EVL: variants seen among roughly 807,000 people sequenced by gnomAD.
EVL encodes the protein ena/VASP-like protein.
Under a neutral mutation model 59.6 loss-of-function variants are expected in EVL, and 21 were observed. The observed-to-expected ratio is 0.35, with a 90% CI of 0.25 to 0.51. EVL has a LOEUF of 0.51. Among genes scored for constraint, EVL ranks in the 20% least tolerant of loss-of-function variants. The probability of loss-of-function intolerance (pLI) is 0.97; values close to 1 mark genes in which losing one functional copy is unlikely to be tolerated. For missense variants in EVL, 462 were observed against 546.6 expected (o/e 0.85, Z 1.54); for synonymous variants, 198 against 203.5 (o/e 0.97, Z 0.23).
chr14:100,032,302 G>A (rs1302941815), intron 1 of EVL, among the ~76,000 whole-genome samples: 1 of 152,226 alleles, frequency 6.6e-6, no homozygotes, highest in African/African-American at 2.4e-5. Context: ...TCCTAAGGAA[G>A]AGAAGGTTGA....
At chr14:100,073,320 C>CTT (rs368484673) in intron 1 of EVL, among the ~76,000 whole-genome samples, 68 of 137,326 alleles carry the variant, frequency 5.0e-4, no homozygotes, top group Admixed American at 7.4e-4. Flanking sequence ...TTTCCTTTTT[C>CTT]TTTTTTTTTT....
upstream of EVL, among the ~76,000 whole-genome samples, chr14:100,061,490 G>A (rs1455535689): frequency 6.0e-5 from 8 of 133,250 alleles, no homozygotes; most frequent in African/African-American, 2.4e-4. Flanking sequence ...AAGATACCAG[G>A]AAATTCAAGT....
At chr14:99,999,704 G>A (rs1262024129) in intron 1 of EVL, among the ~76,000 whole-genome samples, 3 of 152,146 alleles carry the variant, frequency 2.0e-5, no homozygotes, top group African/African-American at 7.2e-5. Context: ...TTCCTTTGAG[G>A]CGCCATGGAT....
At chr14:99,984,802 G>T (rs535854910) in intron 1 of EVL, among the ~76,000 whole-genome samples, 1 of 152,050 alleles carries the variant, frequency 6.6e-6, no homozygotes, top group Non-Finnish European at 1.5e-5. Flanking sequence ...TTTTAGTAGA[G>T]ACTGAGTTGC....
Position 100,114,173 on chromosome 14 carries a change from G to GC in EVL, c.359-9366_359-9365insC, listed in dbSNP as rs1434739604. 4.6e-5 allele frequency among the ~76,000 whole-genome samples: 7 copies of GC among 151,822 alleles called. No individual in the cohort carries two copies. Among genetic ancestry groups the GC allele is most frequent in the Non-Finnish European group, 7.4e-5 (5 of 67,930 alleles). On this transcript the variant is annotated intron_variant, in intron 3 of 13. Coordinates refer to ENST00000392920, the MANE Select transcript of EVL (RefSeq NM_016337.3). The surrounding 1 kb of genome is among the most constrained non-coding windows in gnomAD (Gnocchi z 5.0). The stretch of plus-strand genomic sequence containing the variant: ...AAGGAGCGAAGCGAAGGAGGGCCGG[G>GC]GGGGAATCAAATGAGCCTTACTTCT...
At chr14:100,006,009 TCC>T (rs58699616) in intron 1 of EVL, among the ~76,000 whole-genome samples, 5,768 of 114,580 alleles carry the variant, frequency 0.05, 160 homozygotes, top group African/African-American at 0.077. Flanking sequence ...GCTGGCCATT[TCC>T]CCCCCCCCCC....
At chr14:100,071,430 G>A (rs912326099) in intron 1 of EVL, among the ~76,000 whole-genome samples, 1 of 152,116 alleles carries the variant, frequency 6.6e-6, no homozygotes, top group South Asian at 2.1e-4. Flanking sequence ...TTCAGCTCTT[G>A]TCTCATGAAT....
chr14:100,124,976 C>T (rs2140370710), intron 4 of EVL, among the ~76,000 whole-genome samples: 1 of 151,936 alleles, frequency 6.6e-6, no homozygotes, highest in Admixed American at 6.5e-5. Context: ...ACACACACAC[C>T]TGCTGCAAGA....
chr14:100,040,299 T>G (rs1279079331), intron 1 of EVL, among the ~76,000 whole-genome samples: 1 of 152,250 alleles, frequency 6.6e-6, no homozygotes, highest in Non-Finnish European at 1.5e-5. Context: ...GAACTCTTCC[T>G]TGTTCACAAT....
intron 1 of EVL, among the ~76,000 whole-genome samples, chr14:100,073,999 C>T (rs933165677): frequency 5.3e-5 from 7 of 131,768 alleles, no homozygotes; most frequent in African/African-American, 2.0e-4. Context: ...AGGGAGTCAC[C>T]CCCGGGGGCG....
At chr14:100,143,406 C>T (rs1595268346) in intron 13 of EVL, among the ~76,000 whole-genome samples, 3 of 152,280 alleles carry the variant, frequency 2.0e-5, no homozygotes, top group South Asian at 4.1e-4. Flanking sequence ...AGTTCTGGTG[C>T]CCAGCACTCC....
intron 1 of EVL, among the ~76,000 whole-genome samples, chr14:99,981,997 G>A (rs946976835): frequency 2.0e-5 from 3 of 152,200 alleles, no homozygotes; most frequent in African/African-American, 7.2e-5. Context: ...TCAGGGGAAA[G>A]CACTTCCAGC....
In EVL at chr14:100,141,107, G is replaced by T. The variant is rs867836125; in HGVS notation, c.1095-73G>T. The T allele has an allele frequency of 2.7e-6, 4 of 1,473,544 alleles. No individual in the cohort carries two copies. In the Admixed American group the frequency reaches 7.1e-5, roughly 26 times the overall value. 91.3% of individuals were successfully genotyped at this position (1,473,544 alleles called of 1,614,324 possible). ...GGGAGCAGGTGGGCCCAGCCTGAGCGGGGCCTCTGCACAGCCAGCTTTCCC... is the reference window on the plus strand; with the variant it reads ...GGGAGCAGGTGGGCCCAGCCTGAGCTGGGCCTCTGCACAGCCAGCTTTCCC... On this transcript the variant is annotated intron_variant, in intron 11 of 13. Transcript: ENST00000392920.
intron 12 of EVL, 150 bp from the exon 13 acceptor site, chr14:100,141,586 C>A: frequency 1.5e-6 from 1 of 685,818 alleles, no homozygotes; most frequent in Non-Finnish European, 2.4e-6. Flanking sequence ...CCCCCCTCAG[C>A]GTGGGAAGGG....
chr14:100,121,639 C>A (rs754449747), intron 3 of EVL, among the ~76,000 whole-genome samples: 4 of 152,164 alleles, frequency 2.6e-5, no homozygotes, highest in African/African-American at 9.7e-5. Context: ...GCCAGGGCTC[C>A]TATTAGACTT....
rs115757303 is a variant in EVL at position 100,022,078 on chromosome 14, A to C, written c.5+50021A>C. On this transcript the variant is annotated intron_variant, in intron 1 of 13. Transcript: ENST00000402714. ...AGAGTGATTCTCACCAAGAAACTCC[A>C]TAACACTGTTAGAATTAAATGGGAT... Among the ~76,000 whole-genome samples, 841 of 152,204 alleles carry C rather than the reference A, an allele frequency of 5.5e-3. 8 individuals carry two copies. The highest frequency in any genetic ancestry group is 0.019 in the African/African-American group (791 of 41,514).
At chr14:100,116,760 A>G (rs1887375847) in intron 3 of EVL, among the ~76,000 whole-genome samples, 1 of 152,220 alleles carries the variant, frequency 6.6e-6, no homozygotes, top group African/African-American at 2.4e-5. Context: ...AAATTCAGAG[A>G]GAGGAATATA....
intron 1 of EVL, among the ~76,000 whole-genome samples, chr14:100,077,424 C>T (rs2140290183): frequency 6.6e-6 from 1 of 152,320 alleles, no homozygotes; most frequent in Non-Finnish European, 1.5e-5. Context: ...TACTTTCTCT[C>T]TTAAGCATGT....
At chr14:100,099,997 T>C (rs1263203612) in intron 3 of EVL, among the ~76,000 whole-genome samples, 2 of 62,782 alleles carry the variant, frequency 3.2e-5, no homozygotes, top group African/African-American at 1.3e-4. Context: ...GCAGATACCT[T>C]GGGGGCAAAA....
Sources: gnomAD v4.1 joint callset for allele counts (sites outside exome capture counted in the v4.1 genomes callset) on GRCh38, gnomAD v4.1.1 for gene constraint, Gnocchi (gnomAD v3.1) non-coding constraint, MANE v1.5 for transcripts, NCBI Gene and HGNC (gene_info 2026-07-23, HGNC 2026-07-21) for gene names.